ZNF81: variants seen among roughly 807,000 people sequenced by gnomAD.
ZNF81 encodes the protein zinc finger protein 81, also known as zinc finger protein 81 (HFZ20).
In ZNF81, 5 loss-of-function variants were observed where a neutral mutation model predicts 32.3. The observed-to-expected ratio is 0.15, with a 90% CI of 0.08 to 0.33. The LOEUF is 0.33. Ranked by LOEUF, ZNF81 falls within the 10% of genes least tolerant of loss-of-function variation. The pLI is 1.00. For synonymous variants in ZNF81, 163 were observed against 166.8 expected (o/e 0.98, Z 0.17); for missense variants, 379 against 479.8 (o/e 0.79, Z 1.96).
At chrX:47,849,837 T>G (rs2058486661) in intron 2 of ZNF81, among the ~76,000 whole-genome samples, 2 of 111,880 alleles carry the variant, frequency 1.8e-5, no homozygotes, top group Admixed American at 9.5e-5. Flanking sequence ...ATGTAACAGA[T>G]GAAGATATTC....
chrX:47,916,055 A>G lies in ZNF81; in HGVS notation c.1409A>G (p.Tyr470Cys). ...AGAATTCATACTGGAGAGAAGCCTTATGAATGCAGTGACTGTGGGAAATCT... is the reference window on the plus strand; with the variant it reads ...AGAATTCATACTGGAGAGAAGCCTTGTGAATGCAGTGACTGTGGGAAATCT... ...HQRIHTGEKP[Y>C]ECSDCGKSFP... The change falls in exon 5 of 5, where the codon TAT becomes TGT. Residue 470 changes from tyrosine (Y) to cysteine (C), a missense_variant. This residue lies in a region of ZNF81 where 102 missense variants were observed against 173.2 expected (regional missense o/e 0.59). Coordinates refer to ENST00000338637, the MANE Select transcript of ZNF81 (RefSeq NM_007137.5). 2 of 1,211,694 alleles carry G rather than the reference A, an allele frequency of 1.7e-6. No homozygotes were observed. The highest frequency in any genetic ancestry group is 3.0e-5 in the East Asian group (1 of 33,836).
In ZNF81 at chrX:47,919,391, A is replaced by G. The variant is rs782617962; in HGVS notation, c.*2759A>G. On this transcript the variant is annotated 3_prime_UTR_variant, in exon 5 of 5. Transcript: ENST00000338637. Reference sequence around the variant, plus strand: ...GCATTCTTCAACTCAGTTATGTTTTATTTTTATTTGTAATATTTCCATTTG... The same window carrying G: ...GCATTCTTCAACTCAGTTATGTTTTGTTTTTATTTGTAATATTTCCATTTG... The G allele has an allele frequency of 7.7e-5, 15 of 195,124 alleles. No individual in the cohort carries two copies. Among genetic ancestry groups the G allele is most frequent in the South Asian group, 7.2e-4 (11 of 15,236 alleles). The allele number at this position is 195,124 out of a possible 1,213,427, so 16.1% of individuals were successfully genotyped here.
In ZNF81 at chrX:47,842,004, T is replaced by G. The variant is rs142082470; in HGVS notation, c.-163-4101T>G. On this transcript the variant is annotated intron_variant, in intron 1 of 4. Coordinates refer to ENST00000338637, the MANE Select transcript of ZNF81 (RefSeq NM_007137.5). ...TGCTTTATCTGTACCCCACAGATTT[T>G]GATATGTTACATTTTTCGTTTTCAT... Among the ~76,000 whole-genome samples, 1,541 of 111,968 alleles carry G rather than the reference T, an allele frequency of 0.014. 78 individuals carry two copies. The East Asian group carries it at 0.16, about 12-fold the overall frequency.
chrX:47,881,239 C>G (rs1603193736), intron 2 of ZNF81, among the ~76,000 whole-genome samples: 1 of 111,989 alleles, frequency 8.9e-6, no homozygotes, highest in East Asian at 2.8e-4. Flanking sequence ...AGGCCTTCAG[C>G]TGATGTTATC....
intron 2 of ZNF81, among the ~76,000 whole-genome samples, chrX:47,847,835 A>T (rs953484369): frequency 1.8e-5 from 2 of 112,474 alleles, no homozygotes; most frequent in Admixed American, 1.9e-4. Flanking sequence ...AAATATAAAT[A>T]TGAATGCCAT....
At chrX:47,852,757 C>T (rs1556881388) in intron 2 of ZNF81, among the ~76,000 whole-genome samples, 1 of 112,703 alleles carries the variant, frequency 8.9e-6, no homozygotes, top group Non-Finnish European at 1.9e-5. Flanking sequence ...TCTTTCCAGA[C>T]TTCTGTTATT....
At chrX:47,889,230 C>T (rs182204255) in intron 3 of ZNF81, among the ~76,000 whole-genome samples, 1 of 112,014 alleles carries the variant, frequency 8.9e-6, no homozygotes, top group East Asian at 2.8e-4. Flanking sequence ...ACTTGTGGAT[C>T]CAATCAACTG....
In ZNF81 at chrX:47,922,971, C is replaced by G. The variant is rs1382941204; in HGVS notation, c.*6339C>G. Among the ~76,000 whole-genome samples the G allele has an allele frequency of 9.0e-6, 1 of 111,531 alleles. No individual in the cohort carries two copies. The highest frequency in any genetic ancestry group is 9.6e-5 in the Admixed American group (1 of 10,470). ...TCATGTTCCCTCTGTGTGTCTGGCT[C>G]TCTTTCCAAATTTCCCCTTTTATAA... On this transcript the variant is annotated 3_prime_UTR_variant, in exon 5 of 5. Transcript: ENST00000338637.
chrX:47,887,484 CA>C lies in ZNF81; in HGVS notation c.55-514del, dbSNP rs782451653. The stretch of plus-strand genomic sequence containing the variant: ...CAAATATATATTCTTTTCAGGGAGA[CA>C]TGGACCATTATCCTAGATAGACCAT... On this transcript the variant is annotated intron_variant, in intron 2 of 4. Coordinates refer to ENST00000338637, the MANE Select transcript of ZNF81 (RefSeq NM_007137.5). Among the ~76,000 whole-genome samples, 377 of 111,676 alleles carry C rather than the reference CA, an allele frequency of 3.4e-3. 1 individual carries two copies. The highest frequency in any genetic ancestry group is 4.5e-3 in the Non-Finnish European group (240 of 53,158).
intron 3 of ZNF81, among the ~76,000 whole-genome samples, chrX:47,891,749 T>C (rs2058663150): frequency 8.9e-6 from 1 of 112,357 alleles, no homozygotes; most frequent in African/African-American, 3.2e-5. Flanking sequence ...TAGTGGTGTT[T>C]GGGTCTCCTG....
At chrX:47,881,156 C>T (rs2058619324) in intron 2 of ZNF81, among the ~76,000 whole-genome samples, 1 of 111,955 alleles carries the variant, frequency 8.9e-6, no homozygotes, top group African/African-American at 3.2e-5. Context: ...ACAAGTCTGC[C>T]TTTCTTCATG....
At position 47,857,956 on chromosome X, in the gene ZNF81, A is replaced by G. The variant is rs139858353; in HGVS notation, c.54+11635A>G. The stretch of plus-strand genomic sequence containing the variant: ...CAATTATGCCAACCCCTGACCCTCA[A>G]TTATTCCCCTTTTATTCTGTAAGCT... On this transcript the variant is annotated intron_variant, in intron 2 of 4. Coordinates refer to ENST00000338637, the MANE Select transcript of ZNF81 (RefSeq NM_007137.5). Among the ~76,000 whole-genome samples, 141 of 110,968 alleles carry G rather than the reference A, an allele frequency of 1.3e-3. 3 individuals are homozygous for G. In the East Asian group the frequency reaches 0.03, roughly 24 times the overall value.
At chrX:47,898,695 C>T (rs1228241512) in intron 4 of ZNF81, among the ~76,000 whole-genome samples, 1 of 111,255 alleles carries the variant, frequency 9.0e-6, no homozygotes, top group African/African-American at 3.3e-5. Flanking sequence ...AGCCTTCTAA[C>T]CCATGAAAAT....
intron 2 of ZNF81, among the ~76,000 whole-genome samples, chrX:47,866,475 A>C (rs1291596265): frequency 1.8e-5 from 2 of 112,246 alleles, no homozygotes; most frequent in Non-Finnish European, 3.8e-5. Context: ...TCATGTTCTC[A>C]AGATAAATAA....
chrX:47,913,929 C>T (rs1356623387), intron 4 of ZNF81, among the ~76,000 whole-genome samples: 2 of 111,403 alleles, frequency 1.8e-5, no homozygotes, highest in African/African-American at 6.5e-5. Context: ...CACTCTTAAA[C>T]ACAATGTCAG....
intron 4 of ZNF81, among the ~76,000 whole-genome samples, chrX:47,896,841 C>G (rs1556887302): frequency 8.9e-6 from 1 of 111,745 alleles, no homozygotes; most frequent in Non-Finnish European, 1.9e-5. Context: ...CTTACATACT[C>G]TTTTGGGTCT....
At chrX:47,882,652 GAATTGCTA>G (rs1278845967) in intron 2 of ZNF81, among the ~76,000 whole-genome samples, 4 of 112,738 alleles carry the variant, frequency 3.5e-5, no homozygotes, top group African/African-American at 6.4e-5. Context: ...CTAAGAAATG[GAATTGCTA>G]AATTATATGG....
intron 2 of ZNF81, among the ~76,000 whole-genome samples, chrX:47,851,007 C>T (rs1287857510): frequency 3.6e-5 from 4 of 110,395 alleles, no homozygotes; most frequent in African/African-American, 1.3e-4. Context: ...GCTTTTCTCC[C>T]TTAACAATAA....
At chrX:47,838,564 A>AT (rs1298396322) in intron 1 of ZNF81, among the ~76,000 whole-genome samples, 5 of 109,055 alleles carry the variant, frequency 4.6e-5, no homozygotes, top group South Asian at 3.9e-4. Context: ...TGATCTTGTG[A>AT]TTTTTTTTCT....
Sources: allele counts gnomAD v4.1 joint callset (sites outside exome capture counted in the v4.1 genomes callset), GRCh38; gene constraint gnomAD v4.1.1; regional missense constraint gnomAD v4.1.1; transcripts MANE v1.5; gene names NCBI Gene and HGNC (gene_info 2026-07-23, HGNC 2026-07-21).